The following CHST8 variants were observed in gnomAD, a reference collection of about 807,000 sequenced individuals.
The protein encoded by CHST8 is GALNAC-4-ST1.
In CHST8, 10 loss-of-function variants were observed where a neutral mutation model predicts 15.0. That is an observed-to-expected ratio of 0.67 (90% CI 0.41 to 1.13). CHST8 has a LOEUF of 1.13. Ranked by LOEUF, CHST8 falls within the 50% of genes most tolerant of loss-of-function variation. The pLI, the probability that CHST8 is intolerant of heterozygous loss-of-function variation, is 0.00. For synonymous variants in CHST8, 259 were observed against 256.6 expected, an observed-to-expected ratio of 1.01 and a Z score of -0.09; for missense variants, 634 against 608.2, an observed-to-expected ratio of 1.04 and a Z score of -0.45.
At chr19:33,768,341 G>A (rs1974894146) in intron 3 of CHST8, among the ~76,000 whole-genome samples, 1 of 152,174 alleles carries the variant, frequency 6.6e-6, no homozygotes, top group Non-Finnish European at 1.5e-5. Flanking sequence ...TTGGGAGGCC[G>A]AGGCAGGAGG....
chr19:33,680,834 A>G (rs1600257739), intron 2 of CHST8, among the ~76,000 whole-genome samples: 1 of 152,222 alleles, frequency 6.6e-6, no homozygotes, highest in African/African-American at 2.4e-5. Context: ...ATTGGCTTCC[A>G]TTCTGCATGA....
At chr19:33,757,411 AAAGAAAGAAAG>A (rs1568358188) in intron 3 of CHST8, among the ~76,000 whole-genome samples, 1 of 6,548 alleles carries the variant, frequency 1.5e-4, no homozygotes, top group African/African-American at 4.4e-4. Context: ...AGAAAGAAAG[AAAGAAAGAAAG>A]AAAGAAAGAA....
Position 33,772,452 on chromosome 19 carries a change from A to C in CHST8, c.664A>C (p.Ile222Leu). Residue 222 changes from isoleucine to leucine, a missense_variant, in exon 5 of 5, where the codon ATC becomes CTC. By Grantham distance (5) the Ile-to-Leu change is conservative (BLOSUM62 2). Transcript: ENST00000650847. Reference protein sequence around the residue: ...LAGLASSTADIQHNTVHYGSA... With the variant: ...LAGLASSTADLQHNTVHYGSA... The stretch of plus-strand genomic sequence containing the variant: ...CGGCCTGGCCTCGTCCACTGCCGAC[A>C]TCCAGCACAACACCGTCCACTATGG... 2.5e-6 allele frequency: 4 copies of C among 1,612,724 alleles called. No individual in the cohort carries two copies. Among genetic ancestry groups the C allele is most frequent in the Non-Finnish European group, 3.4e-6 (4 of 1,180,008 alleles).
Position 33,757,301 on chromosome 19 carries a change from A to C in CHST8, c.131-14112A>C, listed in dbSNP as rs374100652. On this transcript the variant is annotated intron_variant, in intron 3 of 4. Transcript: ENST00000650847. ...GAGGCTGAGGCATGAGAATCGCTTG[A>C]ACCAGGAGGTGGAGGTTGCAGTGAG... is the stretch of plus-strand genomic sequence containing the variant. 8.6e-5 allele frequency among the ~76,000 whole-genome samples: 13 copies of C among 150,794 alleles called. No homozygotes were observed. In the East Asian group the frequency reaches 2.1e-3, roughly 25 times the overall value.
rs7260431 is a variant in CHST8 at position 33,714,656 on chromosome 19, A to G, written c.130+25265A>G. Among the ~76,000 whole-genome samples the G allele has an allele frequency of 9.2e-3, 1,397 of 152,254 alleles. 17 individuals are homozygous for G. The highest frequency in any genetic ancestry group is 0.03 in the African/African-American group (1,255 of 41,498). ...GAATTGTAACTCCCACAATTCCCAC[A>G]TGTCCTGGGAGGGACCCAGTGGGAG... On this transcript the variant is annotated intron_variant, in intron 3 of 4. Coordinates refer to ENST00000650847, the MANE Select transcript of CHST8 (RefSeq NM_001127895.2).
Position 33,771,985 on chromosome 19 carries a change from G to A in CHST8, c.197G>A (p.Gly66Asp). The A allele has an allele frequency of 6.3e-7, 1 of 1,580,078 alleles. No individual in the cohort carries two copies. Among genetic ancestry groups the A allele is most frequent in the Non-Finnish European group, 8.6e-7 (1 of 1,166,210 alleles). The change falls in exon 5 of 5, where the codon GGT becomes GAT. Residue 66 changes from glycine (G) to aspartate (D), a missense_variant. Physicochemically the swap from Gly to Asp is moderately conservative, Grantham distance 94 (BLOSUM62 -1). Coordinates refer to ENST00000650847, the MANE Select transcript of CHST8 (RefSeq NM_001127895.2). The stretch of plus-strand genomic sequence containing the variant: ...CTCCCACCAGGCGGCTCCCAGGATG[G>A]TGACTTGAAGGAACCCACAGAGAGG... ...HDLPPGGSQD[G>D]DLKEPTERVT...
intron 3 of CHST8, among the ~76,000 whole-genome samples, chr19:33,765,056 A>ATG (rs1433055995): frequency 7.3e-6 from 1 of 136,506 alleles, no homozygotes. Flanking sequence ...ATTCCATCAT[A>ATG]TATATATATA....
chr19:33,724,422 C>T (rs921672935), intron 3 of CHST8, among the ~76,000 whole-genome samples: 1 of 152,258 alleles, frequency 6.6e-6, no homozygotes, highest in Non-Finnish European at 1.5e-5. Context: ...ATACCCCCGG[C>T]CCCCATCCGG....
intron 3 of CHST8, among the ~76,000 whole-genome samples, chr19:33,695,878 T>C (rs1176667175): frequency 7.0e-6 from 1 of 143,156 alleles, no homozygotes; most frequent in Admixed American, 7.4e-5. Context: ...CAGGCTGGAG[T>C]ACGGTGGTGT....
intron 2 of CHST8, among the ~76,000 whole-genome samples, chr19:33,669,438 C>T (rs1302322400): frequency 6.6e-6 from 1 of 152,192 alleles, no homozygotes; most frequent in African/African-American, 2.4e-5. Context: ...TGAAGCCAAA[C>T]CACTCTCGTG....
rs1600263472 is a variant in CHST8, at chr19:33,687,463, G to T, written c.-86-1713G>T. Among the ~76,000 whole-genome samples, 3 of 152,284 alleles carry T rather than the reference G, an allele frequency of 2.0e-5. No individual in the cohort carries two copies. In the South Asian group the frequency reaches 6.2e-4, roughly 32 times the overall value. Reference sequence around the variant, plus strand: ...TTAGGGCAGAGGCCATTGCAGTGAGGTCGGAGCCAGCCTGACACCCCGGAG... The same window carrying T: ...TTAGGGCAGAGGCCATTGCAGTGAGTTCGGAGCCAGCCTGACACCCCGGAG... On this transcript the variant is annotated intron_variant, in intron 2 of 4. Transcript: ENST00000650847.
chr19:33,730,524 T>C (rs1363696461), intron 3 of CHST8, among the ~76,000 whole-genome samples: 3 of 152,228 alleles, frequency 2.0e-5, no homozygotes, highest in Non-Finnish European at 4.4e-5. Flanking sequence ...CTTATGCTGC[T>C]GCCTACTCGA....
At chr19:33,639,131 A>ACGTT (rs1253560467) in intron 1 of CHST8, among the ~76,000 whole-genome samples, 1 of 150,840 alleles carries the variant, frequency 6.6e-6, no homozygotes, top group African/African-American at 2.4e-5. Flanking sequence ...ATATGCGATT[A>ACGTT]CGTTCATCAG....
At chr19:33,710,506 T>C (rs1371115567) in intron 3 of CHST8, among the ~76,000 whole-genome samples, 1 of 152,228 alleles carries the variant, frequency 6.6e-6, no homozygotes, top group Non-Finnish European at 1.5e-5. Flanking sequence ...TTTTCTAATA[T>C]AGACATTACT....
chr19:33,764,957 C>T (rs916842041), intron 3 of CHST8, among the ~76,000 whole-genome samples: 3 of 151,432 alleles, frequency 2.0e-5, no homozygotes, highest in African/African-American at 4.9e-5. Flanking sequence ...TTTTCCATTC[C>T]TGAGTTATTT....
At chr19:33,731,888 C>T (rs17325358) in intron 3 of CHST8, among the ~76,000 whole-genome samples, 9,486 of 152,240 alleles carry the variant, frequency 0.062, 417 homozygotes, top group Non-Finnish European at 0.091. Flanking sequence ...CCGGTGACCT[C>T]TTTTCCACTC....
At chr19:33,670,417 G>A (rs1380790309) in intron 2 of CHST8, among the ~76,000 whole-genome samples, 1 of 152,186 alleles carries the variant, frequency 6.6e-6, no homozygotes, top group African/African-American at 2.4e-5. Flanking sequence ...TCTGAATAGT[G>A]CTTGGCATAC....
Position 33,772,871 on chromosome 19 carries a change from C to T in CHST8, c.1083C>T (p.Leu361=). 1 of 1,613,526 alleles carries T rather than the reference C, an allele frequency of 6.2e-7. No individual in the cohort carries two copies. Among genetic ancestry groups the T allele is most frequent in the East Asian group, 2.2e-5 (1 of 44,876 alleles). The change falls in exon 5 of 5, where the codon CTC becomes CTT. Residue 361 remains leucine, a synonymous_variant. Coordinates refer to ENST00000650847, the MANE Select transcript of CHST8 (RefSeq NM_001127895.2). ...MEDDANFFLS[L]IRAPRNLTFP... ...ACGATGCCAACTTCTTCCTGAGCCT[C>T]ATCCGCGCGCCGCGGAACCTGACCT...
chr19:33,624,194 A>G (rs1487839087), intron 1 of CHST8, among the ~76,000 whole-genome samples: 1 of 152,250 alleles, frequency 6.6e-6, no homozygotes. Flanking sequence ...TCTTAAAGCA[A>G]GGTCAAGGAT....
Sources: gnomAD v4.1 joint callset for allele counts (sites outside exome capture counted in the v4.1 genomes callset) on GRCh38, gnomAD v4.1.1 for gene constraint, MANE v1.5 for transcripts, NCBI Gene and HGNC (gene_info 2026-07-23, HGNC 2026-07-21) for gene names.